MCOLN2: variants seen among roughly 807,000 people sequenced by gnomAD.
MCOLN2 encodes mucolipin-2.
In MCOLN2, 57 loss-of-function variants were observed where a neutral mutation model predicts 67.5. The observed-to-expected ratio is 0.84, with a 90% CI of 0.68 to 1.05. The LOEUF (loss-of-function observed/expected upper bound fraction) is 1.05, where lower values mean the gene tolerates loss of function less well. MCOLN2 is among the 50% of genes least tolerant of loss of function. The pLI is 0.00. For synonymous variants in MCOLN2, 246 were observed against 233.3 expected (o/e 1.05, Z -0.50); for missense variants, 620 against 678.8 (o/e 0.91, Z 0.96).
chr1:84,987,447 CATAT>C (rs1427168224), intron 1 of MCOLN2, among the ~76,000 whole-genome samples: 1 of 113,118 alleles, frequency 8.8e-6, no homozygotes, highest in Admixed American at 9.4e-5. Flanking sequence ...TAGATATATA[CATAT>C]ATACATATAT....
chr1:84,966,818 G>C (rs146777533), intron 1 of MCOLN2, among the ~76,000 whole-genome samples: 19 of 152,204 alleles, frequency 1.2e-4, no homozygotes, highest in African/African-American at 4.3e-4. Context: ...AGTCCCCAAA[G>C]TGGAGTGCCG....
At chr1:84,987,666 A>ATAGAAATATATACATACG (rs1650682821) in intron 1 of MCOLN2, among the ~76,000 whole-genome samples, 1 of 145,534 alleles carries the variant, frequency 6.9e-6, no homozygotes. Flanking sequence ...ACATATGTAT[A>ATAGAAATATATACATACG]TATGTATATA....
chr1:84,989,021 C>G (rs1650753259), intron 1 of MCOLN2, among the ~76,000 whole-genome samples: 1 of 152,202 alleles, frequency 6.6e-6, no homozygotes, highest in South Asian at 2.1e-4. Flanking sequence ...ATTAATGTGG[C>G]CTTCCCCACT....
chr1:84,972,409 A>G (rs964002026), intron 1 of MCOLN2, among the ~76,000 whole-genome samples: 1 of 152,208 alleles, frequency 6.6e-6, no homozygotes, highest in Admixed American at 6.5e-5. Context: ...AGAACAAAAT[A>G]TCAAAGAAAA....
chr1:84,987,645 AATAT>A (rs1178675433), intron 1 of MCOLN2, among the ~76,000 whole-genome samples: 1 of 125,824 alleles, frequency 7.9e-6, no homozygotes, highest in Non-Finnish European at 1.7e-5. Context: ...TGTATATAGA[AATAT>A]ATACATACAT....
intron 1 of MCOLN2, among the ~76,000 whole-genome samples, chr1:84,968,089 G>C (rs916041949): frequency 1.3e-5 from 2 of 152,142 alleles, no homozygotes; most frequent in Non-Finnish European, 2.9e-5. Flanking sequence ...CAGGAAACGG[G>C]AACAAGAGAG....
intron 13 of MCOLN2, 36 bp downstream of exon 13, chr1:84,929,522 C>T (rs766595445): frequency 6.4e-7 from 1 of 1,568,722 alleles, no homozygotes; most frequent in Admixed American, 1.7e-5. Context: ...CAGAACAGCC[C>T]ATCTCAGGAG....
At chr1:84,987,503 G>GGTATATACATATGTATAT (rs1650619899) in intron 1 of MCOLN2, among the ~76,000 whole-genome samples, 1 of 20,008 alleles carries the variant, frequency 5.0e-5, no homozygotes, top group African/African-American at 1.2e-4. Context: ...TGTATACATA[G>GGTATATACATATGTATAT]ATGTATACAT....
chr1:84,972,431 T>C (rs1323495302), intron 1 of MCOLN2, among the ~76,000 whole-genome samples: 1 of 152,124 alleles, frequency 6.6e-6, no homozygotes, highest in Non-Finnish European at 1.5e-5. Flanking sequence ...AAGCATAGTA[T>C]TTGAAGGCAT....
chr1:84,948,427 C>A (rs759024348), intron 6 of MCOLN2, among the ~76,000 whole-genome samples: 5 of 152,164 alleles, frequency 3.3e-5, no homozygotes, highest in Non-Finnish European at 7.3e-5. Context: ...TAGGGCCCAT[C>A]TACAGGAAAA....
chr1:84,932,147 G>C (rs1647216995), intron 11 of MCOLN2, among the ~76,000 whole-genome samples: 1 of 151,870 alleles, frequency 6.6e-6, no homozygotes, highest in Admixed American at 6.6e-5. Context: ...AACAAGTTTA[G>C]ATCCTGGTTT....
intron 1 of MCOLN2, among the ~76,000 whole-genome samples, chr1:84,996,393 C>CATATATAT (rs6143310): frequency 0.013 from 1,636 of 123,036 alleles, 26 homozygotes; most frequent in Non-Finnish European, 0.017. Flanking sequence ...GTATATATTT[C>CATATATAT]ATATATATAT....
Position 84,952,261 on chromosome 1 carries a change from A to G in MCOLN2, c.729T>C (p.Cys243=). Residue 243 remains cysteine (C), a synonymous_variant, in exon 6 of 14, where the codon TGT becomes TGC. Coordinates refer to ENST00000370608, the MANE Select transcript of MCOLN2 (RefSeq NM_153259.4). ...TACTTGCCGTATTCTGAAAGACATA[A>G]CAGTCTGGTAACTCACGGGAATGAA... ...QTIHSRELPD[C]YVFQNTIIFD... The G allele has an allele frequency of 6.2e-7, 1 of 1,611,578 alleles. No individual in the cohort carries two copies.
intron 7 of MCOLN2, among the ~76,000 whole-genome samples, chr1:84,945,075 AG>A (rs201544910): frequency 2.0e-3 from 300 of 150,874 alleles, no homozygotes; most frequent in African/African-American, 7.2e-3. Context: ...AAATCTTAAA[AG>A]AGCTTTTACC....
intron 1 of MCOLN2, among the ~76,000 whole-genome samples, chr1:84,965,976 G>A (rs1649361327): frequency 6.6e-6 from 1 of 152,136 alleles, no homozygotes; most frequent in Non-Finnish European, 1.5e-5. Context: ...ATCTCGGCCA[G>A]ACGTGGTGGC....
At chr1:84,938,911 G>T (rs1465298699) in intron 9 of MCOLN2, among the ~76,000 whole-genome samples, 1 of 152,110 alleles carries the variant, frequency 6.6e-6, no homozygotes, top group East Asian at 1.9e-4. Context: ...GGATCTCAGG[G>T]GTATGAAGTA....
chr1:84,938,143 T>C, intron 9 of MCOLN2, 61 bp from the exon 10 acceptor site: 1 of 1,227,546 alleles, frequency 8.1e-7, no homozygotes. Context: ...ACTTAGCTTA[T>C]TAGCCTTACA....
chr1:84,996,118 AT>A (rs1356559503), intron 1 of MCOLN2, among the ~76,000 whole-genome samples: 4 of 152,096 alleles, frequency 2.6e-5, no homozygotes, highest in Non-Finnish European at 2.9e-5. Context: ...AAGCTATCAA[AT>A]TTCCCAAAAG....
At chr1:84,935,130 C>T (rs1647348303) in intron 11 of MCOLN2, among the ~76,000 whole-genome samples, 1 of 152,134 alleles carries the variant, frequency 6.6e-6, no homozygotes, top group African/African-American at 2.4e-5. Context: ...AGAACCTGAA[C>T]ATGCTGACAG....
Sources: gnomAD v4.1 joint callset for allele counts (sites outside exome capture counted in the v4.1 genomes callset) on GRCh38, gnomAD v4.1.1 for gene constraint, MANE v1.5 for transcripts, NCBI Gene and HGNC (gene_info 2026-07-23, HGNC 2026-07-21) for gene names.